The following FAM178B variants were observed in gnomAD, a reference collection of about 807,000 sequenced individuals.
FAM178B encodes family with sequence similarity 178 member B.
A neutral mutation model predicts 91.7 loss-of-function variants in FAM178B; 82 were observed. The ratio of observed to expected loss-of-function variants is 0.89; its 90% CI spans 0.75 to 1.07. FAM178B has a LOEUF of 1.07. Ranked by LOEUF, FAM178B falls within the 50% of genes least tolerant of loss-of-function variation. FAM178B has a pLI of 0.00. For synonymous variants in FAM178B, 368 were observed against 359.4 expected, an observed-to-expected ratio of 1.02 and a Z score of -0.27; for missense variants, 769 against 846.7, an observed-to-expected ratio of 0.91 and a Z score of 1.14.
chr2:96,884,205 T>C (rs2080461026), intron 14 of FAM178B, among the ~76,000 whole-genome samples: 1 of 152,008 alleles, frequency 6.6e-6, no homozygotes, highest in African/African-American at 2.4e-5. Context: ...AGCTGCGGCA[T>C]GGGGAGGGTT....
intron 13 of FAM178B, among the ~76,000 whole-genome samples, chr2:96,901,912 C>T (rs548735808): frequency 3.3e-5 from 5 of 152,218 alleles, no homozygotes; most frequent in African/African-American, 1.2e-4. Flanking sequence ...AATTCTCTGC[C>T]TCAACCTCCC....
intron 8 of FAM178B, among the ~76,000 whole-genome samples, chr2:96,929,803 T>A (rs1014698322): frequency 1.3e-5 from 2 of 152,222 alleles, no homozygotes; most frequent in Non-Finnish European, 1.5e-5. Context: ...TAGTCCACCA[T>A]CCCTGCTGGG....
At position 96,902,621 on chromosome 2, in the gene FAM178B, T is replaced by C; in HGVS notation, c.1649A>G (p.Gln550Arg). Residue 550 changes from glutamine (Q) to arginine (R), a missense_variant and splice_region_variant, in exon 13 of 17, where the codon CAG (glutamine) becomes CGG (arginine). By Grantham distance (43) the Gln-to-Arg change is conservative. Transcript: ENST00000490605. ...CCCAGGCCTGAAGCAAACACTCACCTGGGTCTTCTCTTGCCAGAGAGGGAG... is the reference window on the plus strand; with the variant it reads ...CCCAGGCCTGAAGCAAACACTCACCCGGGTCTTCTCTTGCCAGAGAGGGAG... ...EMLPLWQEKT[Q>R]LSSLSRLLGL... 1 of 1,549,502 alleles carries C rather than the reference T, an allele frequency of 6.5e-7. No individual in the cohort carries two copies. Among genetic ancestry groups the C allele is most frequent in the African/African-American group, 1.4e-5 (1 of 73,124 alleles).
At chr2:96,884,560 G>A (rs909466762) in intron 14 of FAM178B, among the ~76,000 whole-genome samples, 8 of 152,242 alleles carry the variant, frequency 5.3e-5, no homozygotes, top group African/African-American at 1.9e-4. Context: ...CAGGCCAAGA[G>A]CCTCAGTCTG....
chr2:96,985,346 A>G (rs909387415), intron 1 of FAM178B, among the ~76,000 whole-genome samples: 1 of 152,152 alleles, frequency 6.6e-6, no homozygotes, highest in Non-Finnish European at 1.5e-5. Flanking sequence ...TCTACAATGC[A>G]GCCCATGGAT....
chr2:96,896,995 T>A (rs1251492364), intron 13 of FAM178B, among the ~76,000 whole-genome samples: 1 of 152,096 alleles, frequency 6.6e-6, no homozygotes, highest in African/African-American at 2.4e-5. Flanking sequence ...GTCTCCCGAG[T>A]AGCTGGGATT....
chr2:96,972,350 C>T, intron 2 of FAM178B, 28 bp from the exon 3 acceptor site: 2 of 1,466,060 alleles, frequency 1.4e-6, no homozygotes, highest in Non-Finnish European at 1.8e-6. Context: ...TACTGTGGTC[C>T]CTCTGCCCAC....
Position 96,929,422 on chromosome 2 carries a change from C to G in FAM178B, c.1079-102G>C. Reference sequence around the variant, plus strand: ...GCCGTGACCCCTGGCCCAAGATAACCAGTTTTTGCCTTCTCTGACACCACA... The same window carrying G: ...GCCGTGACCCCTGGCCCAAGATAACGAGTTTTTGCCTTCTCTGACACCACA... On this transcript the variant is annotated intron_variant, in intron 8 of 16. Coordinates refer to ENST00000490605, the MANE Select transcript of FAM178B (RefSeq NM_001122646.3). 1.4e-5 allele frequency: 11 copies of G among 795,642 alleles called. No individual in the cohort carries two copies. The South Asian group carries it at 1.7e-4, about 13-fold the overall frequency. 49.3% of individuals were successfully genotyped at this position (795,642 alleles called of 1,614,324 possible).
At chr2:96,906,456 CCTGA>C (rs1316282297) in intron 12 of FAM178B, among the ~76,000 whole-genome samples, 2 of 152,276 alleles carry the variant, frequency 1.3e-5, no homozygotes, top group African/African-American at 4.8e-5. Flanking sequence ...CCCCTCCATG[CCTGA>C]CTGTGAAGGC....
chr2:96,944,875 T>A (rs1306407275), intron 8 of FAM178B, among the ~76,000 whole-genome samples: 2 of 152,192 alleles, frequency 1.3e-5, no homozygotes, highest in African/African-American at 2.4e-5. Context: ...GTTTGCAGTC[T>A]CTGCTTTCTG....
intron 6 of FAM178B, among the ~76,000 whole-genome samples, chr2:96,954,076 A>G (rs1464430201): frequency 6.6e-6 from 1 of 152,226 alleles, no homozygotes; most frequent in Non-Finnish European, 1.5e-5. Context: ...GCCTCTGTCC[A>G]CGGCCAAGCC....
At chr2:96,898,409 C>G (rs1429680560) in intron 13 of FAM178B, among the ~76,000 whole-genome samples, 2 of 152,172 alleles carry the variant, frequency 1.3e-5, no homozygotes, top group Admixed American at 6.5e-5. Context: ...AATCTCAGCA[C>G]TTTGGGAGGC....
intron 7 of FAM178B, chr2:96,950,142 G>C: frequency 1.0e-6 from 1 of 985,584 alleles, no homozygotes; most frequent in Non-Finnish European, 1.2e-6. Context: ...CTCCACGCCA[G>C]TGTCAGGGTG....
At chr2:96,975,716 C>T (rs920219620) in intron 1 of FAM178B, among the ~76,000 whole-genome samples, 6 of 152,226 alleles carry the variant, frequency 3.9e-5, no homozygotes, top group African/African-American at 1.4e-4. Context: ...CTTCCATCTA[C>T]ACATTTCAAA....
chr2:96,910,505 T>C (rs2081134240), intron 12 of FAM178B, among the ~76,000 whole-genome samples: 1 of 152,220 alleles, frequency 6.6e-6, no homozygotes, highest in Non-Finnish European at 1.5e-5. Context: ...GCATCAGGGC[T>C]AACGTTTTAC....
At chr2:96,930,210 C>CA (rs60102987) in intron 8 of FAM178B, among the ~76,000 whole-genome samples, 1,315 of 39,520 alleles carry the variant, frequency 0.033, 163 homozygotes, top group African/African-American at 0.072. Context: ...TCCGTCTCTC[C>CA]AAAAAAAAAA....
intron 8 of FAM178B, among the ~76,000 whole-genome samples, chr2:96,930,535 C>T (rs945500137): frequency 3.3e-5 from 5 of 152,130 alleles, no homozygotes; most frequent in East Asian, 1.9e-4. Flanking sequence ...TGTCTCTCCC[C>T]GGTAGAACAG....
intron 8 of FAM178B, among the ~76,000 whole-genome samples, chr2:96,944,140 G>T (rs952017608): frequency 7.3e-5 from 11 of 151,698 alleles, no homozygotes; most frequent in Admixed American, 3.9e-4. Context: ...TACTTAGGAG[G>T]CTGAGGCAGG....
chr2:96,977,020 C>A (rs559828145), intron 1 of FAM178B, among the ~76,000 whole-genome samples: 19 of 151,502 alleles, frequency 1.3e-4, no homozygotes, highest in Non-Finnish European at 2.7e-4. Context: ...CATGGGGAAA[C>A]CCTGTCTGTA....
Sources: allele counts gnomAD v4.1 joint callset (sites outside exome capture counted in the v4.1 genomes callset), GRCh38; gene constraint gnomAD v4.1.1; transcripts MANE v1.5; gene names NCBI Gene and HGNC (gene_info 2026-07-23, HGNC 2026-07-21).